The following CLVS1 variants were observed in gnomAD, a reference collection of about 807,000 sequenced individuals.
The protein encoded by CLVS1 is clavesin-1.
A neutral mutation model predicts 33.1 loss-of-function variants in CLVS1; 10 were observed. That is an observed-to-expected ratio of 0.30 (90% CI 0.19 to 0.51). The LOEUF (loss-of-function observed/expected upper bound fraction) is 0.51. CLVS1 is among the 20% of genes least tolerant of loss of function. The probability of loss-of-function intolerance (pLI) is 0.97; values close to 1 mark genes in which losing one functional copy is unlikely to be tolerated. For synonymous variants in CLVS1, 163 were observed against 166.1 expected (o/e 0.98, Z 0.14); for missense variants, 343 against 433.4 (o/e 0.79, Z 1.85).
At chr8:61,455,603 C>T (rs139157038) in intron 4 of CLVS1, among the ~76,000 whole-genome samples, 16 of 152,182 alleles carry the variant, frequency 1.1e-4, no homozygotes, top group African/African-American at 3.6e-4. Flanking sequence ...TTAATGGACA[C>T]TTAGGTTGTA....
intron 1 of CLVS1, among the ~76,000 whole-genome samples, chr8:61,290,890 G>A (rs1298994071): frequency 2.0e-5 from 3 of 152,144 alleles, no homozygotes; most frequent in Non-Finnish European, 4.4e-5. Flanking sequence ...ATTTTATCCA[G>A]ATATCACTGG....
At chr8:61,383,471 C>A (rs1038681370) in intron 3 of CLVS1, among the ~76,000 whole-genome samples, 1 of 152,172 alleles carries the variant, frequency 6.6e-6, no homozygotes, top group Non-Finnish European at 1.5e-5. Flanking sequence ...TGCATTTTGT[C>A]AAGAAGTTTT....
intron 2 of CLVS1, among the ~76,000 whole-genome samples, chr8:61,194,730 T>C (rs991587707): frequency 2.6e-5 from 4 of 151,812 alleles, no homozygotes; most frequent in Admixed American, 2.0e-4. Flanking sequence ...CATATTTAGA[T>C]ATATAAAAAT....
At chr8:61,292,429 C>A (rs1292004775) in intron 1 of CLVS1, 1 of 455,944 alleles carries the variant, frequency 2.2e-6, no homozygotes. Flanking sequence ...GAAAAGGGGG[C>A]AAATAGAGTT....
chr8:61,476,747 G>T (rs960837108), intron 5 of CLVS1, among the ~76,000 whole-genome samples: 1 of 152,126 alleles, frequency 6.6e-6, no homozygotes, highest in African/African-American at 2.4e-5. Flanking sequence ...CTTCAAACAG[G>T]GACAATTTGA....
intron 5 of CLVS1, among the ~76,000 whole-genome samples, chr8:61,481,949 G>A (rs1360441515): frequency 2.6e-5 from 4 of 152,240 alleles, no homozygotes; most frequent in Non-Finnish European, 5.9e-5. Flanking sequence ...ACATCTCCCA[G>A]TAGGGGCCGA....
At chr8:61,174,077 A>G (rs1252853650) in intron 2 of CLVS1, among the ~76,000 whole-genome samples, 1 of 152,200 alleles carries the variant, frequency 6.6e-6, no homozygotes, top group Non-Finnish European at 1.5e-5. Context: ...ATCTGAAACA[A>G]TACAATAGTT....
At chr8:61,454,507 A>G (rs1377406283) in intron 4 of CLVS1, among the ~76,000 whole-genome samples, 1 of 152,194 alleles carries the variant, frequency 6.6e-6, no homozygotes, top group Non-Finnish European at 1.5e-5. Flanking sequence ...AGGCATGCAA[A>G]TACCAGATGC....
chr8:61,485,457 A>C (rs1167679979), intron 5 of CLVS1, among the ~76,000 whole-genome samples: 1 of 152,164 alleles, frequency 6.6e-6, no homozygotes, highest in African/African-American at 2.4e-5. Flanking sequence ...AGGTGCTAGA[A>C]AGGATGTGGA....
intron 3 of CLVS1, among the ~76,000 whole-genome samples, chr8:61,412,523 G>T (rs771363940): frequency 4.6e-5 from 7 of 152,202 alleles, no homozygotes; most frequent in Non-Finnish European, 1.0e-4. Context: ...ATTACTGGTA[G>T]GGGTGGGGCT....
At chr8:61,492,338 A>AT (rs1804120377) in intron 5 of CLVS1, among the ~76,000 whole-genome samples, 1 of 152,144 alleles carries the variant, frequency 6.6e-6, no homozygotes, top group African/African-American at 2.4e-5. Flanking sequence ...GATAGTTTAC[A>AT]TTTTTTTGGT....
chr8:60,981,734 G>C, the CLVS1 span, among the ~76,000 whole-genome samples: 1 of 152,244 alleles, frequency 6.6e-6, no homozygotes, highest in Non-Finnish European at 1.5e-5. Context: ...AAGTACAGAG[G>C]AACAGCAGCT....
chr8:61,453,804 A>G (rs1817050343), intron 3 of CLVS1, among the ~76,000 whole-genome samples: 1 of 152,170 alleles, frequency 6.6e-6, no homozygotes, highest in African/African-American at 2.4e-5. Context: ...TTCGTTACCT[A>G]ACGCAATGAA....
At chr8:61,008,774 G>A in the CLVS1 span, among the ~76,000 whole-genome samples, 1 of 152,210 alleles carries the variant, frequency 6.6e-6, no homozygotes, top group Admixed American at 6.5e-5. Context: ...TTACTCCTAT[G>A]AAGTTTGTGA....
chr8:61,278,666 T>A (rs1036561195), intron 2 of CLVS1, among the ~76,000 whole-genome samples: 3 of 152,236 alleles, frequency 2.0e-5, no homozygotes, highest in Non-Finnish European at 4.4e-5. Context: ...ATAGATAAAA[T>A]ATATTTTTCT....
At chr8:61,000,533 G>T in the CLVS1 span, among the ~76,000 whole-genome samples, 9 of 152,174 alleles carry the variant, frequency 5.9e-5, no homozygotes, top group Non-Finnish European at 1.2e-4. Context: ...TATGAAGAAT[G>T]AGGCAAAGCA....
intron 2 of CLVS1, among the ~76,000 whole-genome samples, chr8:61,275,122 C>T (rs1025849723): frequency 1.3e-5 from 2 of 151,968 alleles, no homozygotes; most frequent in African/African-American, 4.8e-5. Context: ...ATTATCGAAC[C>T]CAGAGATTGC....
chr8:61,172,979 A>T (rs1476146251), intron 2 of CLVS1, among the ~76,000 whole-genome samples: 1 of 152,206 alleles, frequency 6.6e-6, no homozygotes, highest in Non-Finnish European at 1.5e-5. Flanking sequence ...TTTATCTTCA[A>T]TGGAGGCTGG....
At chr8:61,114,378 A>G (rs1805680861) in intron 1 of CLVS1, among the ~76,000 whole-genome samples, 1 of 152,216 alleles carries the variant, frequency 6.6e-6, no homozygotes. Context: ...TTGCCCAGAA[A>G]ACCCTAAAAA....
Sources: allele counts gnomAD v4.1 joint callset (sites outside exome capture counted in the v4.1 genomes callset), GRCh38; gene constraint gnomAD v4.1.1; transcripts MANE v1.5; gene names NCBI Gene and HGNC (gene_info 2026-07-23, HGNC 2026-07-21).